The following PTPRM variants were observed in gnomAD, a reference collection of about 807,000 sequenced individuals.
PTPRM encodes receptor-type tyrosine-protein phosphatase mu.
A neutral mutation model predicts 186.7 loss-of-function variants in PTPRM; 47 were observed. That is an observed-to-expected ratio of 0.25 (90% CI 0.20 to 0.32). The LOEUF is 0.32. Ranked by LOEUF, PTPRM falls within the 10% of genes least tolerant of loss-of-function variation. The pLI is 1.00. For missense variants in PTPRM, 1,494 were observed against 1,865.0 expected (o/e 0.80, Z 3.66); for synonymous variants, 668 against 674.9 (o/e 0.99, Z 0.16).
intron 19 of PTPRM, among the ~76,000 whole-genome samples, chr18:8,261,529 T>A (rs1179131249): frequency 6.6e-6 from 1 of 152,060 alleles, no homozygotes; most frequent in African/African-American, 2.4e-5. Context: ...CAATAGAGAG[T>A]TGGTTTTGAC....
intron 7 of PTPRM, among the ~76,000 whole-genome samples, chr18:8,044,588 C>T (rs776663481): frequency 1.3e-5 from 2 of 151,842 alleles, no homozygotes; most frequent in Non-Finnish European, 2.9e-5. Flanking sequence ...GAAACCCCAT[C>T]TCTACTAAAA....
chr18:7,785,494 T>C (rs1298375801), intron 2 of PTPRM, among the ~76,000 whole-genome samples: 3 of 152,122 alleles, frequency 2.0e-5, no homozygotes, highest in African/African-American at 7.2e-5. Flanking sequence ...TTAACAAATG[T>C]TGAGTCTAAG....
chr18:7,986,410 T>A (rs912892507), intron 7 of PTPRM, among the ~76,000 whole-genome samples: 1 of 152,224 alleles, frequency 6.6e-6, no homozygotes, highest in African/African-American at 2.4e-5. Flanking sequence ...CAGTAGAACT[T>A]ATTCAAATCT....
chr18:7,694,141 T>C (rs1738854077), intron 1 of PTPRM, among the ~76,000 whole-genome samples: 2 of 152,192 alleles, frequency 1.3e-5, no homozygotes, highest in Non-Finnish European at 2.9e-5. Context: ...TCTCCAGGCC[T>C]AATGACATCT....
intron 19 of PTPRM, among the ~76,000 whole-genome samples, chr18:8,276,045 C>CATCACT (rs2094830578): frequency 6.6e-6 from 1 of 151,982 alleles, no homozygotes; most frequent in Non-Finnish European, 1.5e-5. Context: ...TTGTTGCGGG[C>CATCACT]ATCACTTGCC....
chr18:8,069,714 A>G lies in PTPRM; in HGVS notation c.1161A>G (p.Glu387=), dbSNP rs1369710190. The G allele has an allele frequency of 8.1e-6, 13 of 1,613,698 alleles. No homozygotes were observed. The highest frequency in any genetic ancestry group is 1.3e-5 in the African/African-American group (1 of 75,062). The change falls in exon 8 of 33, where the codon GAA becomes GAG. Residue 387 remains glutamate, a synonymous_variant. Coordinates refer to ENST00000580170, the MANE Select transcript of PTPRM (RefSeq NM_001105244.2). ...CCATGCGAGGCCCAAGAAAACTAGA[A>G]GTAGTGGAGGTCAAATCTCGGCAAA... ...ADPMRGPRKL[E]VVEVKSRQIT...
intron 7 of PTPRM, among the ~76,000 whole-genome samples, chr18:7,993,095 G>GTT (rs2083347341): frequency 6.6e-6 from 1 of 151,694 alleles, no homozygotes; most frequent in African/African-American, 2.4e-5. Context: ...CAATACAGTT[G>GTT]ACACCTTCAG....
intron 1 of PTPRM, among the ~76,000 whole-genome samples, chr18:7,628,350 C>A (rs1340574497): frequency 6.6e-6 from 1 of 152,160 alleles, no homozygotes; most frequent in Admixed American, 6.5e-5. Context: ...AAAATTAATG[C>A]AACTAATGTA....
At chr18:7,987,533 G>A (rs2083029199) in intron 7 of PTPRM, among the ~76,000 whole-genome samples, 1 of 152,144 alleles carries the variant, frequency 6.6e-6, no homozygotes, top group African/African-American at 2.4e-5. Flanking sequence ...TCTGCGGTGA[G>A]TGGAGACAAA....
At chr18:7,732,369 A>T (rs2040678576) in intron 1 of PTPRM, among the ~76,000 whole-genome samples, 1 of 152,230 alleles carries the variant, frequency 6.6e-6, no homozygotes, top group Non-Finnish European at 1.5e-5. Flanking sequence ...GAACTTAGTT[A>T]TGAGAATACC....
At chr18:7,746,817 T>C (rs757920117) in intron 1 of PTPRM, among the ~76,000 whole-genome samples, 9 of 152,090 alleles carry the variant, frequency 5.9e-5, no homozygotes, top group African/African-American at 9.7e-5. Flanking sequence ...CCACATTTCT[T>C]TTTACCAGCC....
chr18:8,088,050 GTC>G (rs2090521288), intron 10 of PTPRM, among the ~76,000 whole-genome samples: 1 of 152,162 alleles, frequency 6.6e-6, no homozygotes, highest in African/African-American at 2.4e-5. Flanking sequence ...ATATTTGCCT[GTC>G]TCTCTGTTCT....
At chr18:8,170,652 A>T (rs2093386538) in intron 14 of PTPRM, among the ~76,000 whole-genome samples, 1 of 152,174 alleles carries the variant, frequency 6.6e-6, no homozygotes, top group African/African-American at 2.4e-5. Flanking sequence ...GGGAAGGAGG[A>T]GAAACTCATT....
chr18:8,064,580 A>G lies in PTPRM; in HGVS notation c.1133-5106A>G, dbSNP rs561974702. On this transcript the variant is annotated intron_variant, in intron 7 of 32. Coordinates refer to ENST00000580170, the MANE Select transcript of PTPRM (RefSeq NM_001105244.2). ...ATGAAAAGTATTCTGGAGGAAAAAT[A>G]TATTCAAATTTATATAATTTTTAGG... 4.0e-4 allele frequency among the ~76,000 whole-genome samples: 61 copies of G among 152,338 alleles called. 1 individual carries two copies. The highest frequency in any genetic ancestry group is 1.4e-3 in the African/African-American group (59 of 41,584).
At chr18:7,577,066 C>A (rs1056220573) in intron 1 of PTPRM, among the ~76,000 whole-genome samples, 2 of 151,992 alleles carry the variant, frequency 1.3e-5, no homozygotes, top group African/African-American at 4.8e-5. Context: ...AATCAAATAA[C>A]TTATGCTTAA....
chr18:8,300,645 G>T (rs186096104), intron 20 of PTPRM, among the ~76,000 whole-genome samples: 93 of 152,278 alleles, frequency 6.1e-4, no homozygotes, highest in African/African-American at 2.0e-3. Context: ...TCTGGCTTCT[G>T]TTTCTGGGCA....
At chr18:8,006,902 T>G (rs1412263138) in intron 7 of PTPRM, among the ~76,000 whole-genome samples, 1 of 152,218 alleles carries the variant, frequency 6.6e-6, no homozygotes, top group African/African-American at 2.4e-5. Context: ...TTTTAGGAAA[T>G]TACCTCAGTT....
At chr18:8,056,039 T>G (rs1298138919) in intron 7 of PTPRM, among the ~76,000 whole-genome samples, 1 of 152,200 alleles carries the variant, frequency 6.6e-6, no homozygotes, top group Non-Finnish European at 1.5e-5. Context: ...TCTAGTTGTT[T>G]TCAAATGGGA....
At chr18:8,157,679 G>T (rs568396465) in intron 14 of PTPRM, among the ~76,000 whole-genome samples, 1 of 152,140 alleles carries the variant, frequency 6.6e-6, no homozygotes, top group Admixed American at 6.5e-5. Context: ...GTGGAGAGCC[G>T]GATTATAGGA....
Sources: gnomAD v4.1 joint callset for allele counts (sites outside exome capture counted in the v4.1 genomes callset) on GRCh38, gnomAD v4.1.1 for gene constraint, MANE v1.5 for transcripts, NCBI Gene and HGNC (gene_info 2026-07-23, HGNC 2026-07-21) for gene names.